The following DPEP1 variants were observed in gnomAD, a reference collection of about 807,000 sequenced individuals.
DPEP1 encodes dipeptidase 1, also known as beta-lactamase.
In DPEP1, 50 loss-of-function variants were observed where a neutral mutation model predicts 42.3. The observed-to-expected ratio is 1.18, with a 90% CI of 0.94 to 1.50. The LOEUF (loss-of-function observed/expected upper bound fraction) is 1.50. Ranked by LOEUF, DPEP1 falls within the 40% of genes most tolerant of loss-of-function variation. The pLI is 0.00. For missense variants in DPEP1, 663 were observed against 553.0 expected (o/e 1.20, Z -1.99); for synonymous variants, 297 against 234.0 (o/e 1.27, Z -2.46).
chr16:89,634,080 C>T (rs2059626228), intron 2 of DPEP1, among the ~76,000 whole-genome samples: 1 of 122,894 alleles, frequency 8.1e-6, no homozygotes, highest in African/African-American at 2.9e-5. Context: ...TTTCTTTTCT[C>T]TTCTCTTCTT....
At chr16:89,635,614 T>C (rs2059666812) in intron 2 of DPEP1, among the ~76,000 whole-genome samples, 1 of 152,196 alleles carries the variant, frequency 6.6e-6, no homozygotes, top group Admixed American at 6.5e-5. Context: ...TCAGACAATG[T>C]GTCTGCCCCC....
chr16:89,635,925 G>C lies in DPEP1; in HGVS notation c.122G>C (p.Trp41Ser). ...AACTCCAGGCACAATGACCTCCCCT[G>C]GCAGCTGCTGGATATGTTCAACAAC... ...PVIDGHNDLP[W>S]QLLDMFNNRL... Residue 41 changes from tryptophan to serine, a missense_variant, in exon 3 of 11, where the codon TGG becomes TCG. By Grantham distance (177) the Trp-to-Ser change is radical. Transcript: ENST00000690203. The C allele has an allele frequency of 1.2e-6, 2 of 1,606,936 alleles. No individual in the cohort carries two copies. Among genetic ancestry groups the C allele is most frequent in the South Asian group, 1.1e-5 (1 of 90,294 alleles).
intron 1 of DPEP1, among the ~76,000 whole-genome samples, chr16:89,622,214 C>A (rs140926948): frequency 6.6e-6 from 1 of 152,124 alleles, no homozygotes; most frequent in Non-Finnish European, 1.5e-5. Flanking sequence ...CATTAACTTT[C>A]GGGGCCAGGA....
chr16:89,627,627 G>A (rs540735461), intron 1 of DPEP1, among the ~76,000 whole-genome samples: 135 of 151,172 alleles, frequency 8.9e-4, no homozygotes, highest in Admixed American at 2.0e-3. Flanking sequence ...GAAGGGCAGG[G>A]GAACCCAGTC....
Position 89,630,502 on chromosome 16 carries a change from C to T in DPEP1, c.92C>T (p.Pro31Leu). ...DEAERIMRDS[P>L]VIDGHNDLPW... is the part of the protein sequence containing the mutation. ...GCAGAGAGGATCATGAGGGACTCCCCTGTCATTGATGGGTGAGTGCTCACC... is the reference window on the plus strand; with the variant it reads ...GCAGAGAGGATCATGAGGGACTCCCTTGTCATTGATGGGTGAGTGCTCACC... The change falls in exon 2 of 11, where the codon CCT (proline) becomes CTT (leucine). Residue 31 changes from proline to leucine, a missense_variant. Physicochemically the swap from Pro to Leu is moderately conservative, Grantham distance 98. Coordinates refer to ENST00000690203, the MANE Select transcript of DPEP1 (RefSeq NM_001389466.1). 1.3e-6 allele frequency: 2 copies of T among 1,585,302 alleles called. No individual in the cohort carries two copies. Among genetic ancestry groups the T allele is most frequent in the Admixed American group, 1.7e-5 (1 of 57,482 alleles).
chr16:89,635,446 G>T (rs1322385861), intron 2 of DPEP1, among the ~76,000 whole-genome samples: 1 of 152,228 alleles, frequency 6.6e-6, no homozygotes, highest in East Asian at 1.9e-4. Flanking sequence ...GCCCCCCAAG[G>T]TCAGGCCGTT....
At position 89,637,501 on chromosome 16, in the gene DPEP1, T is replaced by C; in HGVS notation, c.802T>C (p.Tyr268His). 1 of 1,612,826 alleles carries C rather than the reference T, an allele frequency of 6.2e-7. No individual in the cohort carries two copies. Among genetic ancestry groups the C allele is most frequent in the South Asian group, 1.1e-5 (1 of 91,082 alleles). Reference sequence around the variant, plus strand: ...AGACAGCCTGGTGATGGTGAACTTCTACAACAATTACATTTCCTGCACCAA... The same window carrying C: ...AGACAGCCTGGTGATGGTGAACTTCCACAACAATTACATTTCCTGCACCAA... ...QTDSLVMVNF[Y>H]NNYISCTNKA... Residue 268 changes from tyrosine to histidine, a missense_variant, in exon 8 of 11, where the codon TAC becomes CAC. Tyr to His is a moderately conservative substitution (Grantham distance 83). Transcript: ENST00000690203.
chr16:89,614,844 C>G (rs1292817616), intron 1 of DPEP1, among the ~76,000 whole-genome samples: 2 of 152,088 alleles, frequency 1.3e-5, no homozygotes, highest in Admixed American at 1.3e-4. Context: ...CGGGGAGCTT[C>G]AGGGTTATCA....
intron 2 of DPEP1, among the ~76,000 whole-genome samples, chr16:89,634,322 T>C (rs1211858872): frequency 7.9e-5 from 12 of 152,110 alleles, no homozygotes; most frequent in East Asian, 3.9e-4. Flanking sequence ...CTCCTGACCT[T>C]GTGATCTGCC....
chr16:89,627,272 CAA>C (rs751000812), intron 1 of DPEP1, among the ~76,000 whole-genome samples: 3 of 80,588 alleles, frequency 3.7e-5, no homozygotes, highest in African/African-American at 5.4e-5. Flanking sequence ...GACTCCGTCT[CAA>C]AAAAAAAAAA....
downstream of DPEP1, among the ~76,000 whole-genome samples, chr16:89,640,200 C>T (rs965943885): frequency 5.9e-5 from 9 of 152,218 alleles, no homozygotes; most frequent in African/African-American, 2.4e-5. Flanking sequence ...GGACCCCCCA[C>T]GCTGCTGCTG....
chr16:89,614,436 T>C (rs1478375526), intron 1 of DPEP1, among the ~76,000 whole-genome samples: 1 of 152,164 alleles, frequency 6.6e-6, no homozygotes, highest in Non-Finnish European at 1.5e-5. Context: ...CCCGCCCAGC[T>C]AAGAGCAGGG....
At chr16:89,621,696 C>T (rs994384131) in intron 1 of DPEP1, among the ~76,000 whole-genome samples, 7 of 152,210 alleles carry the variant, frequency 4.6e-5, no homozygotes, top group Admixed American at 1.3e-4. Flanking sequence ...AGCAGGTGCG[C>T]GTGTGCGGCT....
intron 1 of DPEP1, among the ~76,000 whole-genome samples, chr16:89,618,085 T>C (rs2059399995): frequency 6.6e-6 from 1 of 152,226 alleles, no homozygotes; most frequent in Non-Finnish European, 1.5e-5. Context: ...ATTAAAATTT[T>C]AAATTATTAG....
At chr16:89,637,064 C>A in intron 6 of DPEP1, 129 bp downstream of exon 6, 1 of 1,521,606 alleles carries the variant, frequency 6.6e-7, no homozygotes, top group Non-Finnish European at 8.8e-7. Context: ...GGCAGCCATC[C>A]CCCCAGGGTG....
rs376423736 is a variant in DPEP1, at chr16:89,629,849, G to A, written c.-106-456G>A. ...CAGGGCAGGCGCCAGGGGCACACCT[G>A]GCTGTGCAGCAGCTTCCTGGAACGC... On this transcript the variant is annotated intron_variant, in intron 1 of 10. Transcript: ENST00000690203. 3.9e-5 allele frequency among the ~76,000 whole-genome samples: 6 copies of A among 152,334 alleles called. No individual in the cohort carries two copies. In the South Asian group the frequency reaches 1.2e-3, roughly 32 times the overall value.
chr16:89,632,604 G>A (rs536437376), intron 2 of DPEP1, among the ~76,000 whole-genome samples: 21 of 152,272 alleles, frequency 1.4e-4, no homozygotes, highest in East Asian at 9.6e-4. Flanking sequence ...GCAGGACGCC[G>A]GCTTCCATAT....
chr16:89,616,008 G>C (rs981891372), intron 1 of DPEP1, among the ~76,000 whole-genome samples: 8 of 152,100 alleles, frequency 5.3e-5, no homozygotes, highest in Non-Finnish European at 8.8e-5. Context: ...GGGAGGCAGA[G>C]GTTTCAGTGA....
intron 1 of DPEP1, among the ~76,000 whole-genome samples, chr16:89,618,007 G>A (rs955594068): frequency 5.3e-5 from 8 of 152,248 alleles, no homozygotes; most frequent in African/African-American, 1.9e-4. Context: ...CTGGGCGACA[G>A]AGCGAGACTC....
Sources: allele counts gnomAD v4.1 joint callset (sites outside exome capture counted in the v4.1 genomes callset), GRCh38; gene constraint gnomAD v4.1.1; transcripts MANE v1.5; gene names NCBI Gene and HGNC (gene_info 2026-07-23, HGNC 2026-07-21).